Variants in TRERF1 observed in about 807,000 individuals in gnomAD.
TRERF1 encodes transcriptional regulating factor 1, also known as transcriptional-regulating factor 1.
In TRERF1, 27 loss-of-function variants were observed where a neutral mutation model predicts 122.9. The ratio of observed to expected loss-of-function variants is 0.22; its 90% CI spans 0.16 to 0.30. TRERF1 has a LOEUF of 0.30. TRERF1 is among the 10% of genes least tolerant of loss of function. TRERF1 has a pLI of 1.00. For missense variants in TRERF1, 1,248 were observed against 1,560.3 expected (o/e 0.80, Z 3.37); for synonymous variants, 636 against 641.7 (o/e 0.99, Z 0.13).
chr6:42,238,189 T>G (rs1405476794), intron 15 of TRERF1, among the ~76,000 whole-genome samples: 1 of 152,234 alleles, frequency 6.6e-6, no homozygotes, highest in Non-Finnish European at 1.5e-5. Flanking sequence ...AAGTAGCCCA[T>G]GGCCTACAGT....
chr6:42,259,838 C>T lies in TRERF1; in HGVS notation c.1885-115G>A, dbSNP rs952223136. 3 of 1,427,368 alleles carry T rather than the reference C, an allele frequency of 2.1e-6. No homozygotes were observed. The highest frequency in any genetic ancestry group is 4.4e-5 in the Admixed American group (2 of 45,162). The allele number at this position is 1,427,368 out of a possible 1,614,324, so 88.4% of individuals were successfully genotyped here. On this transcript the variant is annotated intron_variant, in intron 8 of 17. Coordinates refer to ENST00000372922, the Ensembl canonical transcript of TRERF1. The surrounding 1 kb of genome is among the most constrained non-coding windows in gnomAD (Gnocchi z 4.9). ...TAAGCAGAGAGCCCTTCTGCTTGAC[C>T]CCCCCACCCCCAACGCCCCCACATT...
At chr6:42,417,105 C>CA (rs1243961925) in intron 2 of TRERF1, among the ~76,000 whole-genome samples, 1 of 151,914 alleles carries the variant, frequency 6.6e-6, no homozygotes, top group Non-Finnish European at 1.5e-5. Context: ...AACAGACTCA[C>CA]AAAAAAAGAG....
At chr6:42,427,726 T>A (rs1011641571) in intron 2 of TRERF1, among the ~76,000 whole-genome samples, 1 of 151,664 alleles carries the variant, frequency 6.6e-6, no homozygotes, top group African/African-American at 2.4e-5. Flanking sequence ...ATCTTTGTAT[T>A]TTTTGTAGAG....
At chr6:42,359,447 T>C (rs952170191) in intron 3 of TRERF1, among the ~76,000 whole-genome samples, 1 of 152,252 alleles carries the variant, frequency 6.6e-6, no homozygotes, top group Non-Finnish European at 1.5e-5. Context: ...AAAAAATCGC[T>C]AGGTGCAGTG....
At chr6:42,411,985 T>A (rs1444308734) in intron 2 of TRERF1, among the ~76,000 whole-genome samples, 1 of 141,488 alleles carries the variant, frequency 7.1e-6, no homozygotes, top group African/African-American at 2.7e-5. Flanking sequence ...ATTATTTGAA[T>A]TTTTTTAAAA....
At chr6:42,256,678 G>A (rs1223140626) in intron 12 of TRERF1, 50 bp downstream of exon 12, 12 of 1,547,482 alleles carry the variant, frequency 7.8e-6, no homozygotes, top group South Asian at 1.1e-5. Flanking sequence ...TTGAAACTTG[G>A]GAAAATACTC....
intron 4 of TRERF1, among the ~76,000 whole-genome samples, chr6:42,282,009 A>C (rs910391613): frequency 6.6e-6 from 1 of 152,204 alleles, no homozygotes; most frequent in African/African-American, 2.4e-5. Context: ...CATACCCAGG[A>C]GTAGAGGAAG....
At chr6:42,378,584 T>A (rs1289725197) in intron 2 of TRERF1, among the ~76,000 whole-genome samples, 1 of 152,130 alleles carries the variant, frequency 6.6e-6, no homozygotes, top group Non-Finnish European at 1.5e-5. Flanking sequence ...GAAGGGACCT[T>A]GGGAACAACC....
At chr6:42,230,350 G>A (rs1307846217) in intron 17 of TRERF1, among the ~76,000 whole-genome samples, 3 of 150,824 alleles carry the variant, frequency 2.0e-5, no homozygotes, top group Non-Finnish European at 4.4e-5. Flanking sequence ...TCCAAGCAAC[G>A]TAAGACTCCA....
intron 3 of TRERF1, among the ~76,000 whole-genome samples, chr6:42,324,227 CAAAACAT>C (rs1235718086): frequency 6.6e-6 from 1 of 152,118 alleles, no homozygotes; most frequent in East Asian, 1.9e-4. Context: ...ACAAGAACTA[CAAAACAT>C]TGCTGAACAA....
chr6:42,350,886 T>A (rs915030805), intron 3 of TRERF1, among the ~76,000 whole-genome samples: 4 of 152,068 alleles, frequency 2.6e-5, no homozygotes, highest in Non-Finnish European at 5.9e-5. Context: ...ACACACCGCA[T>A]AAAAATCCCT....
intron 4 of TRERF1, among the ~76,000 whole-genome samples, chr6:42,277,939 G>GAAGAAGA (rs1781553441): frequency 6.7e-6 from 1 of 149,576 alleles, no homozygotes; most frequent in Non-Finnish European, 1.5e-5. Flanking sequence ...AGAAGAAGAA[G>GAAGAAGA]AAGAAGAAGA....
chr6:42,362,360 C>A (rs185209894), intron 3 of TRERF1, among the ~76,000 whole-genome samples: 157 of 152,360 alleles, frequency 1.0e-3, no homozygotes, highest in Non-Finnish European at 1.9e-3. Context: ...CACCCCCCTT[C>A]CCCACTGTCG....
exon 18 of TRERF1, chr6:42,227,934 A>G (rs73436252): frequency 0.02 from 3,151 of 157,406 alleles, 109 homozygotes; most frequent in African/African-American, 0.072. Flanking sequence ...GCTTGATGGG[A>G]AAAGTTGGCC....
At chr6:42,431,781 A>G (rs1784538948) in intron 2 of TRERF1, among the ~76,000 whole-genome samples, 1 of 151,942 alleles carries the variant, frequency 6.6e-6, no homozygotes, top group Non-Finnish European at 1.5e-5. Context: ...TACCTTCTCA[A>G]GCTATAAAGT....
At chr6:42,244,636 C>T (rs1009406065) in intron 14 of TRERF1, among the ~76,000 whole-genome samples, 1 of 152,206 alleles carries the variant, frequency 6.6e-6, no homozygotes, top group South Asian at 2.1e-4. Flanking sequence ...TCAGTCCTTA[C>T]AGACTTACTC....
chr6:42,356,055 C>A (rs1340010008), intron 3 of TRERF1, among the ~76,000 whole-genome samples: 3 of 152,168 alleles, frequency 2.0e-5, no homozygotes, highest in African/African-American at 4.8e-5. Flanking sequence ...TCTGTCTAGC[C>A]CCAGGTCACC....
intron 3 of TRERF1, among the ~76,000 whole-genome samples, chr6:42,314,502 G>A (rs1348653162): frequency 6.6e-6 from 1 of 152,240 alleles, no homozygotes; most frequent in African/African-American, 2.4e-5. Context: ...GCTAGGCATT[G>A]TTCTCCGTGA....
intron 2 of TRERF1, among the ~76,000 whole-genome samples, chr6:42,399,048 G>A (rs1239960974): frequency 6.6e-6 from 1 of 152,174 alleles, no homozygotes; most frequent in African/African-American, 2.4e-5. Flanking sequence ...GGAAAACACA[G>A]GGAGAGATTT....
Sources: gnomAD v4.1 joint callset for allele counts (sites outside exome capture counted in the v4.1 genomes callset) on GRCh38, gnomAD v4.1.1 for gene constraint, Gnocchi (gnomAD v3.1) non-coding constraint, MANE v1.5 for transcripts, NCBI Gene and HGNC (gene_info 2026-07-23, HGNC 2026-07-21) for gene names.